Variants in DYM observed in about 807,000 individuals in gnomAD.
DYM encodes dyggve-Melchior-Clausen syndrome protein.
Under a neutral mutation model 93.1 loss-of-function variants are expected in DYM, and 78 were observed. That is an observed-to-expected ratio of 0.84 (90% CI 0.70 to 1.01). DYM has a LOEUF of 1.01. Among genes scored for constraint, DYM ranks in the 50% least tolerant of loss-of-function variants. The pLI is 0.00. For missense variants in DYM, 789 were observed against 845.0 expected, an observed-to-expected ratio of 0.93 and a Z score of 0.82; for synonymous variants, 321 against 319.7, an observed-to-expected ratio of 1.00 and a Z score of -0.04.
At chr18:49,434,196 A>T (rs1323758843) in intron 1 of DYM, among the ~76,000 whole-genome samples, 1 of 152,078 alleles carries the variant, frequency 6.6e-6, no homozygotes, top group African/African-American at 2.4e-5. Flanking sequence ...TACAAAAAAA[A>T]ATTAGCCAGG....
chr18:49,085,656 G>A (rs1216991176), intron 17 of DYM, among the ~76,000 whole-genome samples: 1 of 132,864 alleles, frequency 7.5e-6, no homozygotes, highest in Admixed American at 8.8e-5. Flanking sequence ...CACCCAGGCT[G>A]GAGTGCAGTG....
At chr18:49,458,104 C>T (rs1462064849) in intron 1 of DYM, among the ~76,000 whole-genome samples, 1 of 152,142 alleles carries the variant, frequency 6.6e-6, no homozygotes, top group Non-Finnish European at 1.5e-5. Flanking sequence ...TAACATGTTA[C>T]AGCAATCATA....
At chr18:49,264,514 AT>A (rs1694986425) in intron 11 of DYM, among the ~76,000 whole-genome samples, 2 of 152,160 alleles carry the variant, frequency 1.3e-5, no homozygotes, top group African/African-American at 2.4e-5. Flanking sequence ...AACTCTTGAT[AT>A]ATCAGATTTT....
At chr18:49,280,982 CA>C (rs1471619637) in intron 10 of DYM, among the ~76,000 whole-genome samples, 1 of 152,122 alleles carries the variant, frequency 6.6e-6, no homozygotes, top group African/African-American at 2.4e-5. Context: ...AGCTTCTGCA[CA>C]GCAAAAGAAA....
chr18:49,414,987 T>A (rs12607160), intron 2 of DYM, among the ~76,000 whole-genome samples: 12,127 of 152,080 alleles, frequency 0.08, 763 homozygotes, highest in East Asian at 0.31. Flanking sequence ...ATCAAAAAAA[T>A]ACTTCCTTTT....
intron 2 of DYM, among the ~76,000 whole-genome samples, chr18:49,416,514 CATTAAGT>C (rs1321295754): frequency 1.3e-5 from 2 of 152,168 alleles, no homozygotes; most frequent in African/African-American, 4.8e-5. Context: ...ACTCTAAGCT[CATTAAGT>C]ATTAACACTC....
chr18:49,387,173 G>A (rs1245479310), intron 3 of DYM, among the ~76,000 whole-genome samples: 1 of 151,874 alleles, frequency 6.6e-6, no homozygotes, highest in Non-Finnish European at 1.5e-5. Flanking sequence ...TCCCGCCTTG[G>A]CCTCCCAAAG....
At chr18:49,047,346 C>T (rs752977279) in intron 17 of DYM, among the ~76,000 whole-genome samples, 27 of 152,190 alleles carry the variant, frequency 1.8e-4, no homozygotes, top group Non-Finnish European at 2.9e-4. Flanking sequence ...GGCTGGAAGT[C>T]TCAGTGTCTG....
chr18:49,411,527 T>C (rs1271072558), intron 2 of DYM, among the ~76,000 whole-genome samples: 1 of 152,138 alleles, frequency 6.6e-6, no homozygotes, highest in Non-Finnish European at 1.5e-5. Flanking sequence ...TTATTTTACT[T>C]TTAGGCACAC....
Position 49,044,043 on chromosome 18 carries a change from A to G in DYM, c.*12T>C, listed in dbSNP as rs45452499. ...TTGGCTGGAGGGGTCCGGGTGGGAG[A>G]GCATCCTGCCCTCAGTCGGAATCCA... On this transcript the variant is annotated 3_prime_UTR_variant, in exon 18 of 18. Transcript: ENST00000675505. 187 of 1,612,688 alleles carry G rather than the reference A, an allele frequency of 1.2e-4. No homozygotes were observed. Among genetic ancestry groups the G allele is most frequent in the Non-Finnish European group, 1.4e-4 (169 of 1,179,942 alleles).
intron 8 of DYM, among the ~76,000 whole-genome samples, chr18:49,309,050 A>G (rs1428983064): frequency 6.6e-6 from 1 of 152,180 alleles, no homozygotes; most frequent in Admixed American, 6.5e-5. Flanking sequence ...TTTAAAAGCT[A>G]TATTGTCATT....
At chr18:49,283,136 C>A (rs1191620196) in intron 9 of DYM, among the ~76,000 whole-genome samples, 1 of 152,178 alleles carries the variant, frequency 6.6e-6, no homozygotes, top group East Asian at 1.9e-4. Flanking sequence ...TAAATTGTAT[C>A]AATCCAACTG....
At chr18:49,115,095 C>G (rs1302936134) in intron 16 of DYM, among the ~76,000 whole-genome samples, 1 of 152,132 alleles carries the variant, frequency 6.6e-6, no homozygotes, top group East Asian at 1.9e-4. Context: ...GTTTCTTTAT[C>G]TGTAAATTGA....
At chr18:49,188,958 G>C (rs1185866931) in intron 14 of DYM, among the ~76,000 whole-genome samples, 4 of 152,164 alleles carry the variant, frequency 2.6e-5, no homozygotes, top group Admixed American at 2.6e-4. Flanking sequence ...AGTGGATGAA[G>C]AAAATGTGGT....
At chr18:49,412,145 G>A (rs2072317928) in intron 2 of DYM, among the ~76,000 whole-genome samples, 1 of 150,820 alleles carries the variant, frequency 6.6e-6, no homozygotes, top group Non-Finnish European at 1.5e-5. Flanking sequence ...AAAATGAAAG[G>A]AAATATAACT....
chr18:49,254,318 A>G (rs1026701917), intron 13 of DYM, among the ~76,000 whole-genome samples: 1 of 100,936 alleles, frequency 9.9e-6, no homozygotes, highest in Non-Finnish European at 2.2e-5. Flanking sequence ...ATATATATAT[A>G]TATATATACA....
In DYM at chr18:49,333,843, A is replaced by C. The variant is rs1225244259; in HGVS notation, c.505T>G (p.Tyr169Asp). 1 of 1,609,962 alleles carries C rather than the reference A, an allele frequency of 6.2e-7. No homozygotes were observed. Among genetic ancestry groups the C allele is most frequent in the Non-Finnish European group, 8.5e-7 (1 of 1,177,014 alleles). ...ITDIPLLDIT[Y>D]EISVEAISTM... ...GATATAGCTTCTACTGATATTTCATATGTAATATCTCTAAAATGGAAGAAA... is the reference window on the plus strand; with the variant it reads ...GATATAGCTTCTACTGATATTTCATCTGTAATATCTCTAAAATGGAAGAAA... Residue 169 changes from tyrosine to aspartate, a missense_variant, in exon 7 of 18, where the codon TAT (tyrosine) becomes GAT (aspartate). Physicochemically the swap from Tyr to Asp is radical, Grantham distance 160. Coordinates refer to ENST00000675505, the MANE Select transcript of DYM (RefSeq NM_001353214.3).
chr18:49,323,126 T>G (rs1418814643), intron 8 of DYM, among the ~76,000 whole-genome samples: 1 of 152,210 alleles, frequency 6.6e-6, no homozygotes, highest in African/African-American at 2.4e-5. Flanking sequence ...AATCACAGAA[T>G]TGTTTTCTGA....
At chr18:49,164,491 C>T (rs1395206947) in intron 14 of DYM, among the ~76,000 whole-genome samples, 1 of 152,112 alleles carries the variant, frequency 6.6e-6, no homozygotes, top group African/African-American at 2.4e-5. Flanking sequence ...GAAGGTGGGA[C>T]CCAAAGAGTA....
Sources: gnomAD v4.1 joint callset for allele counts (sites outside exome capture counted in the v4.1 genomes callset) on GRCh38, gnomAD v4.1.1 for gene constraint, MANE v1.5 for transcripts, NCBI Gene and HGNC (gene_info 2026-07-23, HGNC 2026-07-21) for gene names.